BTLA: variants seen among roughly 807,000 people sequenced by gnomAD.
BTLA encodes the protein B and T lymphocyte associated.
In BTLA, 11 loss-of-function variants were observed where a neutral mutation model predicts 25.0. That is an observed-to-expected ratio of 0.44 (90% CI 0.28 to 0.73). The LOEUF (loss-of-function observed/expected upper bound fraction) is 0.73. BTLA is among the 30% of genes least tolerant of loss of function. BTLA has a pLI of 0.15. For synonymous variants in BTLA, 104 were observed against 119.8 expected (o/e 0.87, Z 0.86); for missense variants, 282 against 332.8 (o/e 0.85, Z 1.19).
chr3:112,484,824 A>G (rs2082337712), intron 1 of BTLA, among the ~76,000 whole-genome samples: 1 of 152,204 alleles, frequency 6.6e-6, no homozygotes, highest in Non-Finnish European at 1.5e-5. Flanking sequence ...CAGCAGGATA[A>G]TGATCATTGA....
chr3:112,469,281 T>C (rs900440021), intron 4 of BTLA, among the ~76,000 whole-genome samples: 3 of 152,202 alleles, frequency 2.0e-5, no homozygotes, highest in Non-Finnish European at 4.4e-5. Flanking sequence ...CCAAAGATCA[T>C]GTCTCTATTT....
intron 1 of BTLA, among the ~76,000 whole-genome samples, chr3:112,490,578 A>G (rs1576691140): frequency 6.7e-6 from 1 of 149,456 alleles, no homozygotes; most frequent in East Asian, 2.0e-4. Context: ...CTCTTTAGAC[A>G]AGAAGAGCCA....
At chr3:112,469,871 A>C (rs2082252696) in intron 3 of BTLA, 67 bp from the exon 4 acceptor site, 12 of 1,308,666 alleles carry the variant, frequency 9.2e-6, no homozygotes, top group Non-Finnish European at 1.2e-5. Context: ...CCACCTTGCC[A>C]CCCATGCTTA....
At position 112,466,392 on chromosome 3, in the gene BTLA, G is replaced by GA. The variant is rs749662908; in HGVS notation, c.595-10dup. On this transcript the variant is annotated splice_polypyrimidine_tract_variant and intron_variant, in intron 4 of 4. Transcript: ENST00000334529. ...TTAAGGTGAGCATCAACCTACAATA[G>GA]AAAAAAAGATGGTTTTAAGTGACAC... 1.0e-5 allele frequency: 16 copies of GA among 1,548,296 alleles called. No individual in the cohort carries two copies. Among genetic ancestry groups the GA allele is most frequent in the Admixed American group, 8.0e-5 (4 of 50,228 alleles).
Position 112,466,119 on chromosome 3 carries a change from C to A in BTLA, c.859G>T (p.Val287Leu). The change falls in exon 5 of 5, where the codon GTG (valine) becomes TTG (leucine). Residue 287 changes from valine (V) to leucine (L), a missense_variant. By Grantham distance (32) the Val-to-Leu change is conservative (BLOSUM62 1). This residue lies in a region of BTLA where 119 missense variants were observed against 102.3 expected (regional missense o/e 1.16). Coordinates refer to ENST00000334529, the MANE Select transcript of BTLA (RefSeq NM_181780.4). ...EAPTEYASICVRS is the reference protein window; with the variant it reads ...EAPTEYASICLRS ...AGTCAGAAACAGACTTAACTCCTCA[C>A]ACATATGGATGCATATTCTGTTGGT... 6.3e-7 allele frequency: 1 copy of A among 1,594,178 alleles called. No homozygotes were observed. The highest frequency in any genetic ancestry group is 8.6e-7 in the Non-Finnish European group (1 of 1,164,794).
intron 4 of BTLA, among the ~76,000 whole-genome samples, chr3:112,467,592 C>A (rs2082237195): frequency 2.0e-5 from 3 of 152,200 alleles, no homozygotes; most frequent in Admixed American, 2.0e-4. Context: ...AGTAGGATGT[C>A]TATGGCAGAT....
intron 1 of BTLA, among the ~76,000 whole-genome samples, chr3:112,491,962 T>C (rs2082383077): frequency 6.6e-6 from 1 of 152,206 alleles, no homozygotes; most frequent in East Asian, 1.9e-4. Context: ...GAGAGGAAAC[T>C]CTACAGAAAT....
chr3:112,481,608 G>A (rs2082318665), intron 1 of BTLA, among the ~76,000 whole-genome samples: 1 of 152,186 alleles, frequency 6.6e-6, no homozygotes, highest in Admixed American at 6.5e-5. Context: ...GATGGGAGGG[G>A]CAGCCTCAAA....
At chr3:112,479,310 G>T in intron 2 of BTLA, 145 bp downstream of exon 2, 1 of 729,982 alleles carries the variant, frequency 1.4e-6, no homozygotes, top group Non-Finnish European at 2.3e-6. Flanking sequence ...GTACACACTG[G>T]CACATAACAA....
At chr3:112,467,024 C>A (rs1455990626) in intron 4 of BTLA, among the ~76,000 whole-genome samples, 1 of 150,538 alleles carries the variant, frequency 6.6e-6, no homozygotes, top group Admixed American at 6.6e-5. Context: ...GTGGTGCGAT[C>A]TCGGCTCACC....
chr3:112,494,000 C>T (rs1240636566), intron 1 of BTLA, among the ~76,000 whole-genome samples: 2 of 152,132 alleles, frequency 1.3e-5, no homozygotes, highest in African/African-American at 4.8e-5. Flanking sequence ...GTCCCAGCTA[C>T]TCGGGAGGCT....
At position 112,471,207 on chromosome 3, in the gene BTLA, C is replaced by T; in HGVS notation, c.547+5G>A. On this transcript the variant is annotated splice_donor_5th_base_variant and intron_variant, in intron 3 of 4. Transcript: ENST00000334529. ...TACTGGGGGCAGAGGGAAAATAGAA[C>T]CCACCTTGGTGCCTTCTCAGGCAGC... 1 of 1,613,386 alleles carries T rather than the reference C, an allele frequency of 6.2e-7. No homozygotes were observed. The highest frequency in any genetic ancestry group is 8.5e-7 in the Non-Finnish European group (1 of 1,179,590).
intron 1 of BTLA, among the ~76,000 whole-genome samples, chr3:112,496,743 C>T (rs994828028): frequency 1.3e-5 from 2 of 152,042 alleles, no homozygotes; most frequent in Non-Finnish European, 2.9e-5. Flanking sequence ...TATATCTGAC[C>T]AGTACTTCAC....
Position 112,471,334 on chromosome 3 carries a change from C to T in BTLA, c.425G>A (p.Arg142Gln), listed in dbSNP as rs147509269. The change falls in exon 3 of 5, where the codon CGA becomes CAA. Residue 142 changes from arginine to glutamine, a missense_variant. By Grantham distance (43) the Arg-to-Gln change is conservative. Around this residue, in one of 2 missense-constraint regions of BTLA, gnomAD observed 163 missense variants for 230.4 expected, o/e 0.71. Transcript: ENST00000334529. ...GCTTGCCATTTCGTCCTTGGAGGGT[C>T]GTTCTGAGGCACTTTTTACATCTGG... ...YVTDVKSASE[R>Q]PSKDEMASRP... 9 of 1,613,504 alleles carry T rather than the reference C, an allele frequency of 5.6e-6. No individual in the cohort carries two copies. The highest frequency in any genetic ancestry group is 4.5e-5 in the East Asian group (2 of 44,880).
chr3:112,495,712 T>C (rs1032540132), intron 1 of BTLA, among the ~76,000 whole-genome samples: 2 of 152,134 alleles, frequency 1.3e-5, no homozygotes, highest in African/African-American at 2.4e-5. Context: ...TAAGAACAAA[T>C]AGCTGAAGCC....
chr3:112,498,420 C>A (rs1006290597), intron 1 of BTLA, among the ~76,000 whole-genome samples: 2 of 151,598 alleles, frequency 1.3e-5, no homozygotes, highest in African/African-American at 4.9e-5. Flanking sequence ...GTGACGAGAG[C>A]AAAACTCTTG....
At chr3:112,473,852 G>A (rs945283017) in intron 2 of BTLA, among the ~76,000 whole-genome samples, 2 of 151,998 alleles carry the variant, frequency 1.3e-5, no homozygotes, top group Non-Finnish European at 2.9e-5. Context: ...CTGACCTCAA[G>A]TGATTTGTTC....
chr3:112,475,254 A>AT (rs1477720539), intron 2 of BTLA, among the ~76,000 whole-genome samples: 1 of 152,174 alleles, frequency 6.6e-6, no homozygotes, highest in African/African-American at 2.4e-5. Context: ...GAAGGGAGTG[A>AT]TAGGAAGGAT....
intron 4 of BTLA, among the ~76,000 whole-genome samples, chr3:112,469,114 T>C (rs143065149): frequency 1.9e-3 from 287 of 152,320 alleles, no homozygotes; most frequent in Non-Finnish European, 3.5e-3. Flanking sequence ...TTTTTAGTTC[T>C]AATATCTCCA....
Sources: allele counts gnomAD v4.1 joint callset (sites outside exome capture counted in the v4.1 genomes callset), GRCh38; gene constraint gnomAD v4.1.1; regional missense constraint gnomAD v4.1.1; transcripts MANE v1.5; gene names NCBI Gene and HGNC (gene_info 2026-07-23, HGNC 2026-07-21).